CAMK2B: variants seen among roughly 807,000 people sequenced by gnomAD.
The protein encoded by CAMK2B is calcium/calmodulin dependent protein kinase II beta, also known as calcium/calmodulin-dependent protein kinase type II subunit beta.
A neutral mutation model predicts 93.7 loss-of-function variants in CAMK2B; 27 were observed. The ratio of observed to expected loss-of-function variants is 0.29; its 90% CI spans 0.21 to 0.40. The LOEUF is 0.40. Ranked by LOEUF, CAMK2B falls within the 10% of genes least tolerant of loss-of-function variation. CAMK2B has a pLI of 1.00. For synonymous variants in CAMK2B, 374 were observed against 358.8 expected, an observed-to-expected ratio of 1.04 and a Z score of -0.48; for missense variants, 568 against 895.8, an observed-to-expected ratio of 0.63 and a Z score of 4.67.
At chr7:44,277,678 C>T (rs574503267) in intron 2 of CAMK2B, among the ~76,000 whole-genome samples, 262 of 152,296 alleles carry the variant, frequency 1.7e-3, no homozygotes, top group African/African-American at 6.1e-3. Context: ...GAGCCTCCCC[C>T]ACAAGGCCCA....
chr7:44,263,192 C>A, intron 2 of CAMK2B, 128 bp from the exon 3 acceptor site: 1 of 784,678 alleles, frequency 1.3e-6, no homozygotes, highest in Non-Finnish European at 2.0e-6. Context: ...TGTGCCCCCA[C>A]CAAGGGAACA....
chr7:44,311,130 A>G lies in CAMK2B; in HGVS notation c.65+14227T>C, dbSNP rs189368008. ...ATTCTATTGCCCAGGCTGGAGTGCA[A>G]TGGCGTGATCTCGGCTCACTGCAAC... is the stretch of plus-strand genomic sequence containing the variant. On this transcript the variant is annotated intron_variant, in intron 1 of 23. Coordinates refer to ENST00000395749, the MANE Select transcript of CAMK2B (RefSeq NM_001220.5). This position sits in a 1 kb window ranked among gnomAD's most constrained non-coding sequence, Gnocchi z 4.2. Among the ~76,000 whole-genome samples, 170 of 152,144 alleles carry G rather than the reference A, an allele frequency of 1.1e-3. 1 individual carries two copies. The highest frequency in any genetic ancestry group is 8.3e-3 in the Admixed American group (127 of 15,286).
intron 1 of CAMK2B, among the ~76,000 whole-genome samples, chr7:44,289,328 C>T (rs1487102813): frequency 6.6e-6 from 1 of 152,198 alleles, no homozygotes; most frequent in African/African-American, 2.4e-5. Context: ...TGTCCCTGAG[C>T]AGCATGGCTG....
At chr7:44,240,087 AC>A (rs1480072095) in intron 12 of CAMK2B, among the ~76,000 whole-genome samples, 2 of 152,234 alleles carry the variant, frequency 1.3e-5, no homozygotes, top group East Asian at 3.9e-4. Flanking sequence ...GTGTCGGACG[AC>A]GGAGAAGCCA....
chr7:44,232,511 C>T (rs557393780), intron 16 of CAMK2B, among the ~76,000 whole-genome samples: 1 of 152,238 alleles, frequency 6.6e-6, no homozygotes, highest in South Asian at 2.1e-4. Flanking sequence ...AGATGCAGGC[C>T]CTGCTCCAGA....
chr7:44,270,124 G>A (rs1027612376), intron 2 of CAMK2B, among the ~76,000 whole-genome samples: 2 of 151,748 alleles, frequency 1.3e-5, no homozygotes, highest in Admixed American at 6.5e-5. Flanking sequence ...GAGGTTGCCA[G>A]ACCCCCCATG....
intron 1 of CAMK2B, among the ~76,000 whole-genome samples, chr7:44,309,948 C>T (rs531221795): frequency 6.6e-6 from 1 of 152,334 alleles, no homozygotes; most frequent in East Asian, 1.9e-4. Flanking sequence ...AGAACCAGGC[C>T]GAGGCCGCGC....
At chr7:44,307,110 G>A (rs1792000131) in intron 1 of CAMK2B, among the ~76,000 whole-genome samples, 1 of 127,944 alleles carries the variant, frequency 7.8e-6, no homozygotes, top group Admixed American at 7.5e-5. Context: ...GAGGGTGTGA[G>A]CAGGAGGAGG....
chr7:44,228,966 C>A, intron 18 of CAMK2B, 42 bp from the exon 19 acceptor site: 1 of 1,603,028 alleles, frequency 6.2e-7, no homozygotes. Flanking sequence ...GGCAGACAGA[C>A]ACACGAGGCG....
intron 6 of CAMK2B, among the ~76,000 whole-genome samples, chr7:44,243,930 G>A (rs2096706268): frequency 6.6e-6 from 1 of 152,206 alleles, no homozygotes; most frequent in Admixed American, 6.5e-5. Context: ...GGGCTCCCAT[G>A]GCCCTCGGAC....
At chr7:44,319,176 G>A (rs2116500835) in intron 1 of CAMK2B, among the ~76,000 whole-genome samples, 1 of 152,260 alleles carries the variant, frequency 6.6e-6, no homozygotes, top group South Asian at 2.1e-4. Context: ...TTTTGTGGGG[G>A]AAGAGAGAGA....
chr7:44,297,307 AAAG>A (rs56077020), intron 1 of CAMK2B, among the ~76,000 whole-genome samples: 28,997 of 152,024 alleles, frequency 0.19, 3,214 homozygotes, highest in Non-Finnish European at 0.26. Context: ...AAGAGAGGGA[AAAG>A]AAGAAGAAGT....
Position 44,225,614 on chromosome 7 carries a change from C to T in CAMK2B, c.1597+902G>A. Reference sequence around the variant, plus strand: ...GGGTGGATCCAGTGCCCCTTTGAGCCTGCAGCCTGCATCCCCCTCCTCGAG... The same window carrying T: ...GGGTGGATCCAGTGCCCCTTTGAGCTTGCAGCCTGCATCCCCCTCCTCGAG... On this transcript the variant is annotated intron_variant, in intron 20 of 23. Transcript: ENST00000395749. The surrounding 1 kb of genome is among the most constrained non-coding windows in gnomAD (Gnocchi z 5.0). The T allele has an allele frequency of 1.4e-6, 1 of 694,016 alleles. No individual in the cohort carries two copies. Among genetic ancestry groups the T allele is most frequent in the Non-Finnish European group, 2.2e-6 (1 of 463,902 alleles). The allele number at this position is 694,016 out of a possible 1,614,324, so 43.0% of individuals were successfully genotyped here.
At position 44,284,143 on chromosome 7, in the gene CAMK2B, G is replaced by A; in HGVS notation, c.148C>T (p.Leu50=). ...YAAKIINTKK[L]SARDHQKLER... ...CCCCATGCCCTACCTCTGGCTGACAGCTTCTTGGTGTTGATGATCTTGGCT... is the reference window on the plus strand; with the variant it reads ...CCCCATGCCCTACCTCTGGCTGACAACTTCTTGGTGTTGATGATCTTGGCT... Residue 50 remains leucine, a synonymous_variant, in exon 2 of 24, where the codon CTG becomes TTG. Coordinates refer to ENST00000395749, the MANE Select transcript of CAMK2B (RefSeq NM_001220.5). 6.2e-7 allele frequency: 1 copy of A among 1,612,938 alleles called. No homozygotes were observed. Among genetic ancestry groups the A allele is most frequent in the Non-Finnish European group, 8.5e-7 (1 of 1,179,068 alleles).
intron 1 of CAMK2B, among the ~76,000 whole-genome samples, chr7:44,300,008 A>ATG (rs931901667): frequency 2.4e-4 from 29 of 119,038 alleles, no homozygotes; most frequent in Admixed American, 1.2e-3. Flanking sequence ...ATGTATGTAT[A>ATG]TGTGTATGTG....
rs1408477816 is a variant in CAMK2B, at chr7:44,225,887, C to T, written c.1597+629G>A. 1 of 1,289,244 alleles carries T rather than the reference C, an allele frequency of 7.8e-7. No individual in the cohort carries two copies. Among genetic ancestry groups the T allele is most frequent in the Non-Finnish European group, 1.0e-6 (1 of 988,646 alleles). 79.9% of individuals were successfully genotyped at this position (1,289,244 alleles called of 1,614,324 possible). A position where few individuals can be genotyped will look rare whatever the true frequency, so the allele number is the denominator to read the frequency against. ...GTGGCAGCAGCCCTGGGATGTCATC[C>T]ATCCCTGTAAGTGATACTGCGGGTA... On this transcript the variant is annotated intron_variant, in intron 20 of 23. Coordinates refer to ENST00000395749, the MANE Select transcript of CAMK2B (RefSeq NM_001220.5). The surrounding 1 kb of genome is among the most constrained non-coding windows in gnomAD (Gnocchi z 5.0).
At chr7:44,291,418 G>A (rs111472780) in intron 1 of CAMK2B, among the ~76,000 whole-genome samples, 1,702 of 152,200 alleles carry the variant, frequency 0.011, 13 homozygotes, top group Middle Eastern at 0.02. Context: ...GGGCTGTGTC[G>A]TCCACTCCTG....
chr7:44,230,894 T>A (rs1003358351), intron 17 of CAMK2B, 112 bp downstream of exon 17: 34 of 873,844 alleles, frequency 3.9e-5, no homozygotes, highest in Non-Finnish European at 3.8e-5. Context: ...CCTCAACACA[T>A]GCATAAACTA....
At chr7:44,255,040 G>A (rs1473510323) in intron 4 of CAMK2B, among the ~76,000 whole-genome samples, 1 of 151,974 alleles carries the variant, frequency 6.6e-6, no homozygotes, top group Non-Finnish European at 1.5e-5. Flanking sequence ...TTCCAAGTCT[G>A]AGAAGATCTG....
Sources: gnomAD v4.1 joint callset for allele counts (sites outside exome capture counted in the v4.1 genomes callset) on GRCh38, gnomAD v4.1.1 for gene constraint, Gnocchi (gnomAD v3.1) non-coding constraint, MANE v1.5 for transcripts, NCBI Gene and HGNC (gene_info 2026-07-23, HGNC 2026-07-21) for gene names.